The following QSOX2 variants were observed in gnomAD, a reference collection of about 807,000 sequenced individuals.
QSOX2 encodes quiescin sulfhydryl oxidase 2.
A neutral mutation model predicts 61.7 loss-of-function variants in QSOX2; 46 were observed. The observed-to-expected ratio is 0.75, with a 90% CI of 0.59 to 0.95. The LOEUF (loss-of-function observed/expected upper bound fraction) is 0.95, where lower values mean the gene tolerates loss of function less well. Among genes scored for constraint, QSOX2 ranks in the 40% least tolerant of loss-of-function variants. QSOX2 has a pLI of 0.00. For synonymous variants in QSOX2, 383 were observed against 388.4 expected (o/e 0.99, Z 0.16); for missense variants, 879 against 918.9 (o/e 0.96, Z 0.56).
At position 136,219,164 on chromosome 9, in the gene QSOX2, G is replaced by A. The variant is rs372271403; in HGVS notation, c.822C>T (p.Val274=). ...YPNGSHGLIN[V]VKPLRAFFSS... ...AAAAGAAGGCCCGCAGAGGCTTCAC[G>A]CTGTGAGAGAGGGGAGGGCAAAGGT... is the stretch of plus-strand genomic sequence containing the variant. Residue 274 remains valine, a splice_region_variant and synonymous_variant, in exon 7 of 12, where the codon GTC becomes GTT. Transcript: ENST00000358701. 51 of 1,612,678 alleles carry A rather than the reference G, an allele frequency of 3.2e-5. No individual in the cohort carries two copies. The highest frequency in any genetic ancestry group is 4.0e-5 in the Non-Finnish European group (47 of 1,179,430).
At chr9:136,243,424 C>T (rs1830447853) in intron 1 of QSOX2, among the ~76,000 whole-genome samples, 1 of 152,226 alleles carries the variant, frequency 6.6e-6, no homozygotes. Flanking sequence ...TAGCTTAACT[C>T]AAGCATTTCT....
rs1295584726 is a variant in QSOX2 at position 136,245,495 on chromosome 9, G to C, written c.309C>G (p.Ala103=). Residue 103 remains alanine, a synonymous_variant, in exon 1 of 12, where the codon GCC becomes GCG. Transcript: ENST00000358701. ...HCIGYAPTWR[A]LAGDVRDWAS... ...CCTCACCTCGCACATCCCCAGCCAG[G>C]GCCCGCCAAGTGGGCGCGTAGCCGA... 41 of 1,592,914 alleles carry C rather than the reference G, an allele frequency of 2.6e-5. No homozygotes were observed. The highest frequency in any genetic ancestry group is 3.5e-5 in the Non-Finnish European group (41 of 1,177,116).
At chr9:136,231,871 A>ATCCGCCCCC (rs1830333575) in intron 1 of QSOX2, among the ~76,000 whole-genome samples, 1 of 147,806 alleles carries the variant, frequency 6.8e-6, no homozygotes, top group Non-Finnish European at 1.5e-5. Flanking sequence ...AGGGCCGGCA[A>ATCCGCCCCC]TCCGCCCCCT....
chr9:136,210,801 A>G (rs1434835022), intron 11 of QSOX2: 1 of 985,022 alleles, frequency 1.0e-6, no homozygotes, highest in Non-Finnish European at 1.2e-6. Context: ...GAAGTACTTA[A>G]CTCTGAGAAA....
chr9:136,211,212 C>G, intron 11 of QSOX2, 52 bp downstream of exon 11: 1 of 1,582,984 alleles, frequency 6.3e-7, no homozygotes, highest in Admixed American at 1.7e-5. Flanking sequence ...TGTCCCAGGA[C>G]CAGGGCCTCC....
chr9:136,208,991 G>A lies in QSOX2; in HGVS notation c.1834C>T (p.Pro612Ser), dbSNP rs757304046. 13 of 1,613,852 alleles carry A rather than the reference G, an allele frequency of 8.1e-6. No individual in the cohort carries two copies. The South Asian group carries it at 1.4e-4, about 18-fold the overall frequency. ...GCAGGCCTGGGGCCCAGTGCACCAG[G>A]TGGACGGACGCTCTGGGTGTCTCGG... is the stretch of plus-strand genomic sequence containing the variant. ...GDRDTQSVRP[P>S]GALGPRPALP... Residue 612 changes from proline to serine, a missense_variant, in exon 12 of 12, where the codon CCT becomes TCT. Physicochemically the swap from Pro to Ser is moderately conservative, Grantham distance 74. Coordinates refer to ENST00000358701, the MANE Select transcript of QSOX2 (RefSeq NM_181701.4).
At chr9:136,242,628 T>C (rs11103398) in intron 1 of QSOX2, among the ~76,000 whole-genome samples, 44,191 of 152,260 alleles carry the variant, frequency 0.29, 6,415 homozygotes, top group Admixed American at 0.36. Context: ...ATGGGCGCCC[T>C]ATCCCTGTGG....
intron 10 of QSOX2, 46 bp downstream of exon 10, chr9:136,215,108 G>T: frequency 1.3e-6 from 2 of 1,594,780 alleles, no homozygotes; most frequent in South Asian, 2.3e-5. Flanking sequence ...GGGTTAACTT[G>T]TTAGGCAGAC....
intron 1 of QSOX2, among the ~76,000 whole-genome samples, chr9:136,243,314 G>C (rs1056872890): frequency 5.9e-5 from 9 of 152,318 alleles, no homozygotes; most frequent in African/African-American, 2.2e-4. Context: ...TAACGAGTCT[G>C]ACAGCATTCA....
chr9:136,233,218 G>T (rs774558817), intron 1 of QSOX2, among the ~76,000 whole-genome samples: 4 of 152,202 alleles, frequency 2.6e-5, no homozygotes, highest in Non-Finnish European at 4.4e-5. Flanking sequence ...GCACGAGAAG[G>T]CCTGGGCAAT....
At chr9:136,214,369 G>A (rs1312868069) in intron 10 of QSOX2, among the ~76,000 whole-genome samples, 2 of 152,246 alleles carry the variant, frequency 1.3e-5, no homozygotes, top group Non-Finnish European at 2.9e-5. Flanking sequence ...CCCCTTGCGA[G>A]TGGCCTGGGC....
In QSOX2 at chr9:136,215,212, T is replaced by C. The variant is rs748881671; in HGVS notation, c.1302A>G (p.Lys434=). The C allele has an allele frequency of 8.7e-6, 14 of 1,614,034 alleles. No homozygotes were observed. The highest frequency in any genetic ancestry group is 1.1e-5 in the Non-Finnish European group (13 of 1,180,028). Residue 434 remains lysine (K), a synonymous_variant, in exon 10 of 12, where the codon AAA becomes AAG. Transcript: ENST00000358701. Reference sequence around the variant, plus strand: ...CTTCAACAGTCAAAGTGTGGAACAGTTTCCAGAGAGAACACGGGTAACCCC... The same window carrying C: ...CTTCAACAGTCAAAGTGTGGAACAGCTTCCAGAGAGAACACGGGTAACCCC... ...ELRGYPCSLW[K]LFHTLTVEAS...
chr9:136,210,971 C>T (rs956633533), intron 11 of QSOX2: 5 of 914,672 alleles, frequency 5.5e-6, no homozygotes, highest in Admixed American at 6.2e-5. Context: ...CAGAGTCTAA[C>T]GGGCTACCAG....
Position 136,223,836 on chromosome 9 carries a change from G to GA in QSOX2, c.601dup (p.Ser201PhefsTer4). 1 of 1,614,112 alleles carries GA rather than the reference G, an allele frequency of 6.2e-7. No homozygotes were observed. The highest frequency in any genetic ancestry group is 8.5e-7 in the Non-Finnish European group (1 of 1,180,022). On this transcript the variant is annotated frameshift_variant, in exon 5 of 12. Transcript: ENST00000358701. LOFTEE classifies it high-confidence loss of function. This position sits in a 1 kb window ranked among gnomAD's most constrained non-coding sequence, Gnocchi z 4.4. The stretch of plus-strand genomic sequence containing the variant: ...ATGGCTGCCACGGTTGTCAAGAAGG[G>GA]AAAGAACATCACTGGGCCTTTCAAG...
intron 1 of QSOX2, among the ~76,000 whole-genome samples, chr9:136,237,649 A>G (rs1048340014): frequency 7.3e-6 from 1 of 137,104 alleles, no homozygotes; most frequent in Non-Finnish European, 1.5e-5. Flanking sequence ...CCTGTGCCAT[A>G]CCTGGAGCCC....
chr9:136,220,628 ACG>A (rs1831969623), intron 6 of QSOX2, among the ~76,000 whole-genome samples: 3 of 151,790 alleles, frequency 2.0e-5, no homozygotes, highest in South Asian at 2.1e-4. Context: ...CCTTCTCCTC[ACG>A]CTGTCCTTCT....
At chr9:136,230,369 C>G (rs1240021926) in intron 1 of QSOX2, among the ~76,000 whole-genome samples, 1 of 152,228 alleles carries the variant, frequency 6.6e-6, no homozygotes, top group Non-Finnish European at 1.5e-5. Context: ...GAATGGCTGT[C>G]AGCCCTGCAG....
At chr9:136,231,302 G>A (rs1262000004) in intron 1 of QSOX2, among the ~76,000 whole-genome samples, 2 of 152,194 alleles carry the variant, frequency 1.3e-5, no homozygotes, top group South Asian at 2.1e-4. Context: ...CTACCGTGGC[G>A]AATGAAGACT....
intron 8 of QSOX2, among the ~76,000 whole-genome samples, chr9:136,217,856 C>T (rs568082003): frequency 6.6e-6 from 1 of 152,214 alleles, no homozygotes; most frequent in Non-Finnish European, 1.5e-5. Context: ...TGGATGGCAC[C>T]GTGGGGGAAA....
Sources: gnomAD v4.1 joint callset for allele counts (sites outside exome capture counted in the v4.1 genomes callset) on GRCh38, gnomAD v4.1.1 for gene constraint, Gnocchi (gnomAD v3.1) non-coding constraint, MANE v1.5 for transcripts, NCBI Gene and HGNC (gene_info 2026-07-23, HGNC 2026-07-21) for gene names.